TRPM4: variants seen among roughly 807,000 people sequenced by gnomAD.
TRPM4 encodes the protein calcium-activated non-selective cation channel 1.
In TRPM4, 124 loss-of-function variants were observed where a neutral mutation model predicts 135.6. That is an observed-to-expected ratio of 0.91 (90% CI 0.79 to 1.06). The LOEUF (loss-of-function observed/expected upper bound fraction) is 1.06, where lower values mean the gene tolerates loss of function less well. TRPM4 is among the 50% of genes least tolerant of loss of function. The pLI, the probability that TRPM4 is intolerant of heterozygous loss-of-function variation, is 0.00. For synonymous variants in TRPM4, 745 were observed against 705.6 expected, an observed-to-expected ratio of 1.06 and a Z score of -0.88; for missense variants, 1,658 against 1,671.4, an observed-to-expected ratio of 0.99 and a Z score of 0.14.
rs1381753982 is a variant in TRPM4, at chr19:49,202,043, C to T, written c.3033C>T (p.Cys1011=). 37 of 1,613,880 alleles carry T rather than the reference C, an allele frequency of 2.3e-5. No homozygotes were observed. Among genetic ancestry groups the T allele is most frequent in the Non-Finnish European group, 3.0e-5 (35 of 1,180,030 alleles). ...AHPPGAQAGT[C]VSQYANWLVV... is the part of the protein sequence containing the mutation. The stretch of plus-strand genomic sequence containing the variant: ...CTCCTGGGGCCCAGGCGGGCACCTG[C>T]GTCTCCCAGTATGCCAACTGGCTGG... The change falls in exon 20 of 25, where the codon TGC becomes TGT. Residue 1011 remains cysteine (C), a synonymous_variant. Coordinates refer to ENST00000252826, the MANE Select transcript of TRPM4 (RefSeq NM_017636.4).
rs182435716 is a variant in TRPM4 at position 49,200,542 on chromosome 19, T to G, written c.2779-69T>G. 7,191 of 1,596,336 alleles carry G rather than the reference T, an allele frequency of 4.5e-3. 20 individuals carry two copies. The highest frequency in any genetic ancestry group is 7.6e-3 in the Middle Eastern group (46 of 6,022). On this transcript the variant is annotated intron_variant, in intron 18 of 24. Transcript: ENST00000252826. ...TGACTTTGGGGAGCAATGGGGCGTG[T>G]TTTTGGGATATAGGGGTGGGGCCAG...
chr19:49,172,712 C>T (rs1210150011), intron 9 of TRPM4, among the ~76,000 whole-genome samples: 1 of 151,764 alleles, frequency 6.6e-6, no homozygotes, highest in Admixed American at 6.6e-5. Context: ...ATCCATCCAT[C>T]TTCTCACCTG....
Position 49,203,943 on chromosome 19 carries a change from C to T in TRPM4, c.3131+1802C>T, listed in dbSNP as rs997471671. Among the ~76,000 whole-genome samples the T allele has an allele frequency of 9.2e-5, 14 of 152,212 alleles. No homozygotes were observed. The East Asian group carries it at 1.7e-3, about 19-fold the overall frequency. On this transcript the variant is annotated intron_variant, in intron 20 of 24. Transcript: ENST00000252826. ...AGGAGTTCGAGACCAGCCTGGCCAACGTGGCAGGACCCCCTTTTTACTAAA... is the reference window on the plus strand; with the variant it reads ...AGGAGTTCGAGACCAGCCTGGCCAATGTGGCAGGACCCCCTTTTTACTAAA...
chr19:49,210,156 T>A lies in TRPM4; in HGVS notation c.3132-53T>A. The A allele has an allele frequency of 6.3e-7, 1 of 1,585,546 alleles. No homozygotes were observed. The highest frequency in any genetic ancestry group is 1.1e-5 in the South Asian group (1 of 90,492). On this transcript the variant is annotated intron_variant, in intron 20 of 24. Transcript: ENST00000252826. The surrounding 1 kb of genome is among the most constrained non-coding windows in gnomAD (Gnocchi z 4.1). ...TTGCCTGGCATCTAACCTTCGTCCT[T>A]GCCCCTGGCTGGGCCCTGACCTCAA... is the stretch of plus-strand genomic sequence containing the variant.
chr19:49,193,554 C>A (rs1415802657), intron 16 of TRPM4, among the ~76,000 whole-genome samples: 1 of 151,992 alleles, frequency 6.6e-6, no homozygotes, highest in African/African-American at 2.4e-5. Context: ...GTGCTCTCAG[C>A]CCCTGTGGAG....
chr19:49,180,910 C>A (rs1005081089), intron 9 of TRPM4, among the ~76,000 whole-genome samples: 2 of 152,006 alleles, frequency 1.3e-5, no homozygotes, highest in Non-Finnish European at 2.9e-5. Flanking sequence ...ATCCATCCTT[C>A]TATCTGTCCA....
chr19:49,169,799 C>T (rs1967384485), intron 6 of TRPM4, among the ~76,000 whole-genome samples: 1 of 151,934 alleles, frequency 6.6e-6, no homozygotes, highest in Admixed American at 6.6e-5. Flanking sequence ...CGAAAGTGGT[C>T]CACCTGCCTC....
At chr19:49,182,969 TG>T in intron 11 of TRPM4, 47 bp downstream of exon 11, 1 of 1,589,136 alleles carries the variant, frequency 6.3e-7, no homozygotes, top group Non-Finnish European at 8.6e-7. Context: ...GGGAAGGACC[TG>T]GGGGCGGGAT....
intron 6 of TRPM4, 110 bp downstream of exon 6, chr19:49,168,846 A>G: frequency 3.4e-6 from 4 of 1,173,966 alleles, no homozygotes; most frequent in Non-Finnish European, 4.9e-6. Context: ...ACCTATGGTT[A>G]AGTGTCTTTC....
At chr19:49,208,376 C>T (rs938291407) in intron 20 of TRPM4, among the ~76,000 whole-genome samples, 3 of 151,950 alleles carry the variant, frequency 2.0e-5, no homozygotes. Context: ...GTAGTGGGTG[C>T]TTTTCCTTGG....
At chr19:49,178,076 A>G (rs903990110) in intron 9 of TRPM4, among the ~76,000 whole-genome samples, 14 of 152,296 alleles carry the variant, frequency 9.2e-5, no homozygotes, top group African/African-American at 3.1e-4. Context: ...CATGCCTATT[A>G]TCACAGCACC....
rs1969379120 is a variant in TRPM4 at position 49,211,760 on chromosome 19, T to C, written c.*262T>C. 9 of 585,962 alleles carry C rather than the reference T, an allele frequency of 1.5e-5. No homozygotes were observed. Among genetic ancestry groups the C allele is most frequent in the African/African-American group, 5.6e-5 (3 of 53,522 alleles). The allele number at this position is 585,962 out of a possible 1,614,324, so 36.3% of individuals were successfully genotyped here. A position where few individuals can be genotyped will look rare whatever the true frequency, so the allele number is the denominator to read the frequency against. ...TATCCATCTGGAGGCTGCAGGGTCC[T>C]TGGGGTAACAGGGACCACAGACCCC... On this transcript the variant is annotated 3_prime_UTR_variant, in exon 25 of 25. Transcript: ENST00000252826. The surrounding 1 kb of genome is among the most constrained non-coding windows in gnomAD (Gnocchi z 4.8).
At chr19:49,193,707 T>C (rs1968501228) in intron 16 of TRPM4, among the ~76,000 whole-genome samples, 1 of 149,848 alleles carries the variant, frequency 6.7e-6, no homozygotes, top group African/African-American at 2.5e-5. Context: ...CCCACCGCTC[T>C]CCCTTCTTAC....
At chr19:49,203,311 C>A (rs553873267) in intron 20 of TRPM4, among the ~76,000 whole-genome samples, 2 of 152,190 alleles carry the variant, frequency 1.3e-5, no homozygotes, top group East Asian at 3.9e-4. Context: ...TCCCAAGTAG[C>A]TAGGACTACA....
chr19:49,200,490 G>C lies in TRPM4; in HGVS notation c.2778+58G>C, dbSNP rs73576320. ...ACATAGGGAAAGGGGTGGGGCCAGG[G>C]AGGGAGTGGTCCGTGGAGAAGGGGC... On this transcript the variant is annotated intron_variant, in intron 18 of 24. Transcript: ENST00000252826. 7,531 of 1,570,864 alleles carry C rather than the reference G, an allele frequency of 4.8e-3. 280 individuals carry two copies. In the African/African-American group the frequency reaches 0.083, roughly 17 times the overall value.
At chr19:49,208,717 G>C (rs1276385581) in intron 20 of TRPM4, among the ~76,000 whole-genome samples, 1 of 151,800 alleles carries the variant, frequency 6.6e-6, no homozygotes, top group Admixed American at 6.6e-5. Flanking sequence ...TATTACACTG[G>C]AACAGCTTGT....
intron 6 of TRPM4, among the ~76,000 whole-genome samples, chr19:49,169,472 G>A (rs927364290): frequency 7.0e-6 from 1 of 143,104 alleles, no homozygotes; most frequent in African/African-American, 2.6e-5. Context: ...TTTAGTAGAC[G>A]GGGTTTCACC....
At position 49,210,699 on chromosome 19, in the gene TRPM4, C is replaced by T. The variant is rs1328742798; in HGVS notation, c.3329-11C>T. The stretch of plus-strand genomic sequence containing the variant: ...GTGGCCTGAGCCCTTTGACTCCGCC[C>T]GCCCCTGCAGGGGTTTACCTTTCTA... On this transcript the variant is annotated splice_polypyrimidine_tract_variant and intron_variant, in intron 21 of 24. Coordinates refer to ENST00000252826, the MANE Select transcript of TRPM4 (RefSeq NM_017636.4). The surrounding 1 kb of genome is among the most constrained non-coding windows in gnomAD (Gnocchi z 4.1). The T allele has an allele frequency of 2.5e-6, 4 of 1,614,040 alleles. No homozygotes were observed. Among genetic ancestry groups the T allele is most frequent in the Admixed American group, 1.7e-5 (1 of 60,014 alleles).
chr19:49,208,217 C>T (rs550662490), intron 20 of TRPM4, among the ~76,000 whole-genome samples: 4 of 152,182 alleles, frequency 2.6e-5, no homozygotes, highest in South Asian at 2.1e-4. Flanking sequence ...GGAGTGTGAC[C>T]GCTGAAGCAC....
Sources: allele counts gnomAD v4.1 joint callset (sites outside exome capture counted in the v4.1 genomes callset), GRCh38; gene constraint gnomAD v4.1.1; non-coding constraint Gnocchi (gnomAD v3.1); transcripts MANE v1.5; gene names NCBI Gene and HGNC (gene_info 2026-07-23, HGNC 2026-07-21).